The following MPC2 variants were observed in gnomAD, a reference collection of about 807,000 sequenced individuals.
The protein encoded by MPC2 is brain protein 44.
In MPC2, 19 loss-of-function variants were observed where a neutral mutation model predicts 19.2. The ratio of observed to expected loss-of-function variants is 0.99; its 90% CI spans 0.69 to 1.45. The LOEUF is 1.45. Among genes scored for constraint, MPC2 ranks in the 40% most tolerant of loss-of-function variants. The pLI, the probability that MPC2 is intolerant of heterozygous loss-of-function variation, is 0.00. For missense variants in MPC2, 122 were observed against 153.0 expected, an observed-to-expected ratio of 0.80 and a Z score of 1.07; for synonymous variants, 61 against 54.3, an observed-to-expected ratio of 1.12 and a Z score of -0.54.
intron 3 of MPC2, among the ~76,000 whole-genome samples, chr1:167,921,536 A>G (rs1170932349): frequency 2.0e-5 from 3 of 151,890 alleles, no homozygotes; most frequent in African/African-American, 4.8e-5. Context: ...CTGTTACGCC[A>G]TTTTTCTTTA....
chr1:167,935,333 C>T (rs1671078423), intron 2 of MPC2, among the ~76,000 whole-genome samples: 1 of 152,178 alleles, frequency 6.6e-6, no homozygotes, highest in African/African-American at 2.4e-5. Flanking sequence ...CCCTACAGTG[C>T]GACAAACCAC....
intron 2 of MPC2, among the ~76,000 whole-genome samples, chr1:167,930,572 T>G (rs936242860): frequency 6.6e-6 from 1 of 152,170 alleles, no homozygotes; most frequent in African/African-American, 2.4e-5. Flanking sequence ...GAATACCAAA[T>G]TATAGATTAT....
intron 3 of MPC2, among the ~76,000 whole-genome samples, chr1:167,921,651 A>C (rs1332359758): frequency 6.6e-6 from 1 of 152,070 alleles, no homozygotes; most frequent in Non-Finnish European, 1.5e-5. Context: ...TTACCAAGTC[A>C]CTATGTTTGT....
intron 2 of MPC2, among the ~76,000 whole-genome samples, chr1:167,928,711 T>C (rs1670822922): frequency 6.6e-6 from 1 of 152,196 alleles, no homozygotes; most frequent in Non-Finnish European, 1.5e-5. Flanking sequence ...GCTATTCTCA[T>C]AGGAGAGCAT....
rs189553778 is a variant in MPC2 at position 167,925,567 on chromosome 1, G to A, written c.110-1030C>T. On this transcript the variant is annotated intron_variant, in intron 2 of 5. Coordinates refer to ENST00000271373, the MANE Select transcript of MPC2 (RefSeq NM_001143674.4). ...TTTGGTTTTTTTTGTTTTTTTTTGA[G>A]ACAGAGTCTCACTCTGTTGCCCAGG... is the stretch of plus-strand genomic sequence containing the variant. Among the ~76,000 whole-genome samples, 799 of 125,824 alleles carry A rather than the reference G, an allele frequency of 6.4e-3. 4 individuals carry two copies. The highest frequency in any genetic ancestry group is 0.023 in the African/African-American group (769 of 32,866). The allele number at this position is 125,824 out of a possible 152,430, so 82.5% of individuals were successfully genotyped here.
At chr1:167,921,476 C>T (rs2102530598) in intron 3 of MPC2, among the ~76,000 whole-genome samples, 1 of 152,302 alleles carries the variant, frequency 6.6e-6, no homozygotes, top group East Asian at 1.9e-4. Context: ...CCCGCCTCAA[C>T]CTCCCAAAGT....
intron 1 of MPC2, 106 bp downstream of exon 1, chr1:167,936,833 G>A (rs1245681197): frequency 5.5e-6 from 7 of 1,279,436 alleles, no homozygotes; most frequent in African/African-American, 1.5e-5. Context: ...TGCGGCTCGG[G>A]TGTTGAAACG....
In MPC2 at chr1:167,920,595, G is replaced by A. The variant is rs762698988; in HGVS notation, c.187C>T (p.Pro63Ser). 1.8e-5 allele frequency: 29 copies of A among 1,613,946 alleles called. No individual in the cohort carries two copies. The highest frequency in any genetic ancestry group is 2.4e-5 in the Non-Finnish European group (28 of 1,179,922). Residue 63 changes from proline to serine, a missense_variant, in exon 4 of 6, where the codon CCT becomes TCT. Pro to Ser is a moderately conservative substitution (Grantham distance 74, BLOSUM62 -1). Transcript: ENST00000271373. ...VCAGLADMARPAEKLSTAQSA... is the reference protein window; with the variant it reads ...VCAGLADMARSAEKLSTAQSA... ...TGAGCTGTGCTAAGTTTTTCTGCAG[G>A]TCTGGCCATATCAGCCAATCCAGCA...
intron 2 of MPC2, 72 bp downstream of exon 2, chr1:167,935,661 G>A (rs1229300620): frequency 7.9e-7 from 1 of 1,268,780 alleles, no homozygotes; most frequent in Non-Finnish European, 1.1e-6. Flanking sequence ...GTTGTCAGAG[G>A]GCCTCTAAAA....
At chr1:167,925,500 T>C (rs572859547) in intron 2 of MPC2, among the ~76,000 whole-genome samples, 2 of 142,048 alleles carry the variant, frequency 1.4e-5, no homozygotes, top group African/African-American at 5.1e-5. Flanking sequence ...CACACATATA[T>C]ATATACACAT....
At chr1:167,922,113 T>C (rs886453961) in intron 3 of MPC2, among the ~76,000 whole-genome samples, 1 of 152,154 alleles carries the variant, frequency 6.6e-6, no homozygotes, top group Non-Finnish European at 1.5e-5. Context: ...TACTCTGGGA[T>C]AGTAAAACAC....
intron 2 of MPC2, among the ~76,000 whole-genome samples, chr1:167,925,844 G>T (rs1439478249): frequency 6.6e-6 from 1 of 152,120 alleles, no homozygotes; most frequent in Non-Finnish European, 1.5e-5. Flanking sequence ...ACCGTGCCCG[G>T]CCACAAATAA....
At chr1:167,934,988 C>T (rs1327013470) in intron 2 of MPC2, among the ~76,000 whole-genome samples, 1 of 151,766 alleles carries the variant, frequency 6.6e-6, no homozygotes, top group East Asian at 1.9e-4. Context: ...AGAGATGTAA[C>T]GTTTACTGAG....
At position 167,937,064 on chromosome 1, in the gene MPC2, G is replaced by C; in HGVS notation, c.-183C>G. ...AGGTCGCCGCCTAGAGTGGGGGAGG[G>C]GGCACGCTGCCGGGTCTGTTGGAGG... On this transcript the variant is annotated 5_prime_UTR_variant, in exon 1 of 6. Transcript: ENST00000271373. 6.9e-7 allele frequency: 1 copy of C among 1,458,526 alleles called. No individual in the cohort carries two copies. The highest frequency in any genetic ancestry group is 9.5e-7 in the Non-Finnish European group (1 of 1,056,536). 90.3% of individuals were successfully genotyped at this position (1,458,526 alleles called of 1,614,324 possible). A position where few individuals can be genotyped will look rare whatever the true frequency, so the allele number is the denominator to read the frequency against.
chr1:167,918,938 A>G (rs539301709), intron 5 of MPC2, among the ~76,000 whole-genome samples: 8 of 152,254 alleles, frequency 5.3e-5, no homozygotes, highest in African/African-American at 1.9e-4. Context: ...TTTCCTGTGC[A>G]AAAGTATTAT....
intron 1 of MPC2, chr1:167,936,106 G>T: frequency 1.9e-6 from 1 of 534,690 alleles, no homozygotes. Context: ...AGGAGCCATG[G>T]CAACAGGTGC....
At chr1:167,935,654 G>A in intron 2 of MPC2, 79 bp downstream of exon 2, 3 of 1,219,708 alleles carry the variant, frequency 2.5e-6, no homozygotes, top group Non-Finnish European at 3.5e-6. Flanking sequence ...AGAGGCAGTT[G>A]TCAGAGGGCC....
At chr1:167,935,629 GC>G in intron 2 of MPC2, 103 bp downstream of exon 2, 1 of 872,428 alleles carries the variant, frequency 1.1e-6, no homozygotes, top group Non-Finnish European at 1.9e-6. Flanking sequence ...AGGGATTGGG[GC>G]TGTGGATGCC....
At chr1:167,936,192 AT>A (rs1323785683) in intron 1 of MPC2, 1 of 268,906 alleles carries the variant, frequency 3.7e-6, no homozygotes, top group Non-Finnish European at 7.2e-6. Context: ...GCCCGCCATG[AT>A]TGGCCCGCCC....
Sources: allele counts gnomAD v4.1 joint callset (sites outside exome capture counted in the v4.1 genomes callset), GRCh38; gene constraint gnomAD v4.1.1; transcripts MANE v1.5; gene names NCBI Gene and HGNC (gene_info 2026-07-23, HGNC 2026-07-21).